Variants in CHLSN observed in about 807,000 individuals in gnomAD.
CHLSN encodes the protein cholesin, also known as protein cholesin.
At chr7:988,808 G>C in the CHLSN span, 2 of 1,582,384 alleles carry the variant, frequency 1.3e-6, no homozygotes, top group Non-Finnish European at 1.7e-6. Context: ...CCTGTGTGCG[G>C]TGCCCAGGCC....
At chr7:991,557 G>A in the CHLSN span, among the ~76,000 whole-genome samples, 4 of 152,244 alleles carry the variant, frequency 2.6e-5, no homozygotes, top group African/African-American at 7.2e-5. Flanking sequence ...CTGGGTGCCC[G>A]TTTCTCACAG....
At chr7:1,010,477 A>G in the CHLSN span, among the ~76,000 whole-genome samples, 3 of 152,196 alleles carry the variant, frequency 2.0e-5, no homozygotes, top group Admixed American at 6.5e-5. Flanking sequence ...CAGTGTGGGA[A>G]GATCCGGGCC....
At chr7:979,217 C>A in the CHLSN span, among the ~76,000 whole-genome samples, 1 of 152,094 alleles carries the variant, frequency 6.6e-6, no homozygotes, top group African/African-American at 2.4e-5. Context: ...CATTGCAATC[C>A]GGGAGGGTGT....
the CHLSN span, among the ~76,000 whole-genome samples, chr7:1,022,138 G>A: frequency 5.9e-5 from 9 of 152,202 alleles, no homozygotes; most frequent in Non-Finnish European, 8.8e-5. Context: ...CAGGAGCCCC[G>A]CTGCACTGTT....
chr7:1,099,631 G>C, the CHLSN span, among the ~76,000 whole-genome samples: 2 of 150,580 alleles, frequency 1.3e-5, no homozygotes, highest in African/African-American at 2.4e-5. Context: ...CAAAATTAGA[G>C]CTGAACTGAC....
the CHLSN span, among the ~76,000 whole-genome samples, chr7:1,019,323 C>T: frequency 1.8e-4 from 27 of 151,900 alleles, no homozygotes; most frequent in African/African-American, 5.3e-4. Flanking sequence ...CCAGAAGGTA[C>T]CTTGAGCTGA....
chr7:983,243 T>G, the CHLSN span: 1 of 1,532,084 alleles, frequency 6.5e-7, no homozygotes, highest in African/African-American at 1.4e-5. Flanking sequence ...TTCCTGGGCC[T>G]CCTGGGGCTC....
the CHLSN span, among the ~76,000 whole-genome samples, chr7:996,193 G>A: frequency 9.2e-5 from 14 of 152,344 alleles, no homozygotes; most frequent in African/African-American, 2.2e-4. Flanking sequence ...CAGTGGCCAC[G>A]GGAAGCCCCA....
chr7:1,082,629 A>T, the CHLSN span, among the ~76,000 whole-genome samples: 66 of 152,334 alleles, frequency 4.3e-4, 1 homozygote, highest in East Asian at 0.012. Flanking sequence ...AGCTTCCAGA[A>T]TAGTGGGCTT....
At chr7:1,028,357 G>A in the CHLSN span, 2 of 1,000,170 alleles carry the variant, frequency 2.0e-6, no homozygotes, top group Non-Finnish European at 2.4e-6. Context: ...CAGCCTCAGC[G>A]CCTCCACACT....
the CHLSN span, among the ~76,000 whole-genome samples, chr7:1,079,817 T>C: frequency 3.9e-5 from 6 of 152,226 alleles, no homozygotes; most frequent in African/African-American, 1.2e-4. Context: ...GAAGCAGCCC[T>C]GGAGAAGTGG....
At chr7:1,073,938 A>C in the CHLSN span, among the ~76,000 whole-genome samples, 1 of 13,578 alleles carries the variant, frequency 7.4e-5, no homozygotes, top group Admixed American at 1.1e-3. Flanking sequence ...GTCACGCCCG[A>C]CCCCTCACCC....
chr7:987,543 C>G, the CHLSN span: 1 of 1,504,734 alleles, frequency 6.6e-7, no homozygotes, highest in Non-Finnish European at 8.9e-7. Context: ...TGGGGCTGGG[C>G]CTCCCTTGCC....
the CHLSN span, chr7:983,353 C>T: frequency 1.3e-6 from 2 of 1,536,660 alleles, no homozygotes; most frequent in South Asian, 1.2e-5. Flanking sequence ...GCACTTGCTG[C>T]GTCTGTCGCA....
chr7:1,115,287 T>C, the CHLSN span, among the ~76,000 whole-genome samples: 1 of 152,240 alleles, frequency 6.6e-6, no homozygotes, highest in Non-Finnish European at 1.5e-5. Context: ...TTCACTGAGA[T>C]GAGAAACGGC....
the CHLSN span, among the ~76,000 whole-genome samples, chr7:1,085,700 G>T: frequency 6.6e-6 from 1 of 151,406 alleles, no homozygotes; most frequent in Non-Finnish European, 1.5e-5. Context: ...AAAAATTAGC[G>T]GCTCGCATCT....
At chr7:1,090,525 G>A in the CHLSN span, among the ~76,000 whole-genome samples, 2 of 151,918 alleles carry the variant, frequency 1.3e-5, no homozygotes, top group Non-Finnish European at 2.9e-5. Flanking sequence ...GTGACACAGG[G>A]CAGGTGATGG....
the CHLSN span, among the ~76,000 whole-genome samples, chr7:1,016,745 A>G: frequency 2.6e-5 from 3 of 113,524 alleles, no homozygotes; most frequent in South Asian, 2.7e-4. Context: ...ACGCCAGCGC[A>G]CAGCAGCACA....
At chr7:1,001,151 G>T in the CHLSN span, among the ~76,000 whole-genome samples, 41 of 152,306 alleles carry the variant, frequency 2.7e-4, no homozygotes, top group African/African-American at 9.4e-4. Context: ...GCCAGGCAGG[G>T]TTTACTCCAG....
Sources: allele counts gnomAD v4.1 joint callset (sites outside exome capture counted in the v4.1 genomes callset), GRCh38; gene constraint gnomAD v4.1.1; transcripts MANE v1.5; gene names NCBI Gene and HGNC (gene_info 2026-07-23, HGNC 2026-07-21).